SAMMSON: variants seen among roughly 807,000 people sequenced by gnomAD.
The protein encoded by SAMMSON is survival associated mitochondrial melanoma specific oncogenic non-coding RNA.
At chr3:70,246,836 T>C (rs58548222) in intron 4 of SAMMSON, among the ~76,000 whole-genome samples, 22,968 of 152,044 alleles carry the variant, frequency 0.15, 2,480 homozygotes, top group East Asian at 0.55. Context: ...TTGTCACCCT[T>C]AAAACAACCC....
intron 4 of SAMMSON, among the ~76,000 whole-genome samples, chr3:70,189,331 A>G (rs558545187): frequency 2.0e-5 from 3 of 152,284 alleles, no homozygotes; most frequent in East Asian, 3.9e-4. Context: ...GGCAGAGAAA[A>G]GTACATTTCA....
At chr3:70,433,157 A>G (rs538462372) in intron 2 of SAMMSON, among the ~76,000 whole-genome samples, 2 of 152,130 alleles carry the variant, frequency 1.3e-5, no homozygotes, top group East Asian at 1.9e-4. Context: ...TAAGTTTTCA[A>G]CTCCTTTGGG....
intron 4 of SAMMSON, among the ~76,000 whole-genome samples, chr3:70,091,306 C>T (rs1247147041): frequency 6.6e-6 from 1 of 152,114 alleles, no homozygotes; most frequent in Non-Finnish European, 1.5e-5. Context: ...GCCTTTCACA[C>T]TAATGCATTT....
At chr3:70,427,716 C>T (rs917233261) in intron 2 of SAMMSON, among the ~76,000 whole-genome samples, 8 of 136,564 alleles carry the variant, frequency 5.9e-5, no homozygotes, top group Non-Finnish European at 9.2e-5. Flanking sequence ...CCAGCCTGGG[C>T]GACAGAGCGA....
intron 6 of SAMMSON, among the ~76,000 whole-genome samples, chr3:70,290,216 G>A (rs1359441458): frequency 6.6e-6 from 1 of 152,154 alleles, no homozygotes; most frequent in Non-Finnish European, 1.5e-5. Flanking sequence ...CTTTGATGAT[G>A]GTGATGTACA....
At chr3:70,125,376 G>C (rs2067452598) in intron 4 of SAMMSON, 7 of 1,449,172 alleles carry the variant, frequency 4.8e-6, no homozygotes, top group Admixed American at 2.0e-5. Context: ...GGTTCACCAG[G>C]TTCATAACTT....
intron 7 of SAMMSON, among the ~76,000 whole-genome samples, chr3:70,318,464 G>GTA (rs764893040): frequency 6.6e-6 from 1 of 150,920 alleles, no homozygotes; most frequent in Non-Finnish European, 1.5e-5. Context: ...TTAACATTTT[G>GTA]TGTGTGTGTG....
chr3:70,402,332 G>A (rs937896487), intron 2 of SAMMSON, among the ~76,000 whole-genome samples: 1 of 152,204 alleles, frequency 6.6e-6, no homozygotes, highest in African/African-American at 2.4e-5. Flanking sequence ...TGTTTGATAC[G>A]TGAGAATAAG....
At chr3:70,356,360 A>C (rs779750137) in intron 8 of SAMMSON, among the ~76,000 whole-genome samples, 1 of 152,164 alleles carries the variant, frequency 6.6e-6, no homozygotes, top group East Asian at 1.9e-4. Context: ...CTGTGCCTAC[A>C]AAACAAAACC....
chr3:70,026,012 C>T (rs2067035862), intron 3 of SAMMSON, among the ~76,000 whole-genome samples: 1 of 151,902 alleles, frequency 6.6e-6, no homozygotes, highest in African/African-American at 2.4e-5. Flanking sequence ...GCATTTCAAA[C>T]CCATGTTGTT....
chr3:70,381,158 C>T (rs805486), intron 9 of SAMMSON, among the ~76,000 whole-genome samples: 83,308 of 151,930 alleles, frequency 0.55, 23,066 homozygotes, highest in East Asian at 0.61. Flanking sequence ...TAGCCCAATG[C>T]AGTTGTGTTA....
chr3:70,255,352 G>A (rs1198422073), intron 6 of SAMMSON, among the ~76,000 whole-genome samples: 1 of 152,196 alleles, frequency 6.6e-6, no homozygotes, highest in Non-Finnish European at 1.5e-5. Flanking sequence ...CCAAAGAAGA[G>A]GCTTGGCTGT....
chr3:70,213,156 T>C (rs1701366921), intron 4 of SAMMSON, among the ~76,000 whole-genome samples: 1 of 151,944 alleles, frequency 6.6e-6, no homozygotes, highest in South Asian at 2.1e-4. Context: ...TTTTTCTTTA[T>C]AGAGACAGGT....
At chr3:70,365,956 G>T (rs1396902757) in intron 9 of SAMMSON, among the ~76,000 whole-genome samples, 4 of 130,310 alleles carry the variant, frequency 3.1e-5, no homozygotes, top group Admixed American at 7.5e-5. Flanking sequence ...AAAATTGTTT[G>T]TGCTTTACCT....
chr3:70,369,657 C>A (rs1302238180), intron 9 of SAMMSON, among the ~76,000 whole-genome samples: 1 of 151,544 alleles, frequency 6.6e-6, no homozygotes, highest in Non-Finnish European at 1.5e-5. Context: ...ATTGTGTTAG[C>A]TACAAGTATT....
chr3:70,005,119 G>A (rs1253714545), intron 1 of SAMMSON, among the ~76,000 whole-genome samples: 2 of 152,092 alleles, frequency 1.3e-5, no homozygotes, highest in Non-Finnish European at 1.5e-5. Context: ...TTTCATTGAA[G>A]GGAAGAGATA....
Position 70,382,511 on chromosome 3 carries a change from A to G in SAMMSON, n.914-7063A>G, listed in dbSNP as rs183378288. Among the ~76,000 whole-genome samples the G allele has an allele frequency of 6.4e-4, 98 of 152,246 alleles. 3 individuals are homozygous for G. The East Asian group carries it at 0.019, about 29-fold the overall frequency. ...TTTAGTAAATGTTGAATTAATAAAT[A>G]AACGTATGAATGAATGAAAACCAGA... On this transcript the variant is annotated intron_variant and non_coding_transcript_variant, in intron 9 of 9. Coordinates refer to ENST00000642114, the Ensembl canonical transcript of SAMMSON.
intron 8 of SAMMSON, among the ~76,000 whole-genome samples, chr3:70,354,519 C>T (rs545663855): frequency 3.9e-5 from 6 of 152,248 alleles, no homozygotes; most frequent in African/African-American, 1.4e-4. Flanking sequence ...TTCAGTAAAA[C>T]CAGGAATGAG....
chr3:70,398,674 T>C (rs1701112876), intron 2 of SAMMSON, among the ~76,000 whole-genome samples: 1 of 152,220 alleles, frequency 6.6e-6, no homozygotes, highest in Non-Finnish European at 1.5e-5. Context: ...CCTAAAGATG[T>C]CCTGTAAATT....
Sources: gnomAD v4.1 joint callset for allele counts (sites outside exome capture counted in the v4.1 genomes callset) on GRCh38, gnomAD v4.1.1 for gene constraint, MANE v1.5 for transcripts, NCBI Gene and HGNC (gene_info 2026-07-23, HGNC 2026-07-21) for gene names.